The following MTM1 variants were observed in gnomAD, a reference collection of about 807,000 sequenced individuals.
MTM1 encodes myotubularin 1.
Under a neutral mutation model 52.1 loss-of-function variants are expected in MTM1, and 9 were observed. That is an observed-to-expected ratio of 0.17 (90% CI 0.10 to 0.30). The LOEUF is 0.30. MTM1 is among the 10% of genes least tolerant of loss of function. MTM1 has a pLI of 1.00. For synonymous variants in MTM1, 136 were observed against 163.8 expected (o/e 0.83, Z 1.29); for missense variants, 277 against 470.7 (o/e 0.59, Z 3.81).
chrX:150,598,475 G>A, intron 3 of MTM1, 117 bp from the exon 4 acceptor site: 1 of 493,908 alleles, frequency 2.0e-6, no homozygotes, highest in Non-Finnish European at 3.5e-6. Context: ...AGCCTTTTCA[G>A]TAATTTTTAA....
rs1437662251 is a variant in MTM1 at position 150,596,041 on chromosome X, G to A, written c.64-457G>A. 2.7e-5 allele frequency among the ~76,000 whole-genome samples: 3 copies of A among 110,938 alleles called. No individual in the cohort carries two copies. In the East Asian group the frequency reaches 8.4e-4, roughly 31 times the overall value. ...ACGCAATAGGTAATCAATGATTTTCGGGCATTGTAATAGGATTCTGGCTAA... is the reference window on the plus strand; with the variant it reads ...ACGCAATAGGTAATCAATGATTTTCAGGCATTGTAATAGGATTCTGGCTAA... On this transcript the variant is annotated intron_variant, in intron 2 of 14. Coordinates refer to ENST00000370396, the MANE Select transcript of MTM1 (RefSeq NM_000252.3).
chrX:150,636,763 C>T (rs2039759253), intron 6 of MTM1, among the ~76,000 whole-genome samples: 3 of 112,095 alleles, frequency 2.7e-5, no homozygotes, highest in Middle Eastern at 4.6e-3. Context: ...ATTCAACATT[C>T]CTGAATGTTT....
chrX:150,628,385 C>T (rs2039605568), intron 6 of MTM1, among the ~76,000 whole-genome samples: 2 of 111,462 alleles, frequency 1.8e-5, no homozygotes, highest in Admixed American at 1.9e-4. Flanking sequence ...TCTAAGTCCT[C>T]TGCCTCTCAC....
At chrX:150,587,910 G>A (rs922383087) in intron 1 of MTM1, among the ~76,000 whole-genome samples, 1 of 111,534 alleles carries the variant, frequency 9.0e-6, no homozygotes, top group Non-Finnish European at 1.9e-5. Context: ...TTATATTGGA[G>A]TTAGTACAGT....
At chrX:150,620,470 A>G (rs1557413257) in intron 6 of MTM1, among the ~76,000 whole-genome samples, 2 of 111,933 alleles carry the variant, frequency 1.8e-5, no homozygotes, top group Non-Finnish European at 3.8e-5. Context: ...CCATTCCAGT[A>G]TGGAGCTCAT....
At chrX:150,624,775 C>G (rs958107216) in intron 6 of MTM1, among the ~76,000 whole-genome samples, 1 of 111,948 alleles carries the variant, frequency 8.9e-6, no homozygotes, top group Admixed American at 9.5e-5. Context: ...CATTGCTTAC[C>G]GTTAATCGTG....
chrX:150,564,142 A>G (rs919764931), upstream of MTM1, among the ~76,000 whole-genome samples: 3 of 111,138 alleles, frequency 2.7e-5, no homozygotes, highest in Admixed American at 1.9e-4. Flanking sequence ...GCTTTCTATC[A>G]TTATTGTTTT....
At chrX:150,667,787 A>G (rs2040327793) in intron 14 of MTM1, among the ~76,000 whole-genome samples, 1 of 112,248 alleles carries the variant, frequency 8.9e-6, no homozygotes, top group Non-Finnish European at 1.9e-5. Flanking sequence ...TGAAAGCAGC[A>G]ATCGCAGTAG....
chrX:150,620,814 G>A (rs904189048), intron 6 of MTM1, among the ~76,000 whole-genome samples: 3 of 110,918 alleles, frequency 2.7e-5, no homozygotes, highest in African/African-American at 9.8e-5. Context: ...CCTTCCTCTG[G>A]GAGTCTGAGA....
At chrX:150,641,066 T>A (rs1387656708) in intron 7 of MTM1, among the ~76,000 whole-genome samples, 1 of 112,064 alleles carries the variant, frequency 8.9e-6, no homozygotes, top group Non-Finnish European at 1.9e-5. Flanking sequence ...TTTAGAACTG[T>A]AAAAACCACC....
chrX:150,602,534 A>C (rs2039084902), intron 4 of MTM1, among the ~76,000 whole-genome samples: 1 of 112,423 alleles, frequency 8.9e-6, no homozygotes, highest in African/African-American at 3.2e-5. Context: ...GCAAAGGCCT[A>C]GTCACTGTGG....
chrX:150,574,586 A>T (rs868986931), intron 1 of MTM1, among the ~76,000 whole-genome samples: 18 of 112,717 alleles, frequency 1.6e-4, no homozygotes, highest in African/African-American at 5.5e-4. Flanking sequence ...TATTTAACAC[A>T]GCATGTGCGA....
intron 6 of MTM1, among the ~76,000 whole-genome samples, chrX:150,621,326 A>G (rs2039478085): frequency 9.1e-6 from 1 of 109,459 alleles, no homozygotes; most frequent in African/African-American, 3.3e-5. Context: ...TGTAAGTTCT[A>G]CTTAGTAGCA....
intron 1 of MTM1, among the ~76,000 whole-genome samples, chrX:150,583,041 TATA>T (rs2038615705): frequency 1.1e-5 from 1 of 91,061 alleles, no homozygotes; most frequent in African/African-American, 4.0e-5. Context: ...TATATTTAAA[TATA>T]ATTTATATAA....
At chrX:150,624,495 T>C (rs2039534046) in intron 6 of MTM1, among the ~76,000 whole-genome samples, 1 of 111,871 alleles carries the variant, frequency 8.9e-6, no homozygotes, top group African/African-American at 3.3e-5. Flanking sequence ...ATAAGTTCAA[T>C]GGCAAAGTTG....
At chrX:150,660,289 G>A in intron 12 of MTM1, 82 bp from the exon 13 acceptor site, 1 of 598,492 alleles carries the variant, frequency 1.7e-6, no homozygotes, top group Admixed American at 2.6e-5. Context: ...GGCAGCATTT[G>A]TTTACTTCTA....
chrX:150,655,256 C>T (rs1451779831), intron 10 of MTM1, among the ~76,000 whole-genome samples: 2 of 103,606 alleles, frequency 1.9e-5, no homozygotes, highest in East Asian at 3.0e-4. Flanking sequence ...ACCCAGGAGG[C>T]GGAGCTTGTA....
At chrX:150,628,996 G>T (rs1221833334) in intron 6 of MTM1, among the ~76,000 whole-genome samples, 1 of 111,214 alleles carries the variant, frequency 9.0e-6, no homozygotes, top group Non-Finnish European at 1.9e-5. Context: ...TTCGTAGCAT[G>T]TACTAAATCC....
At chrX:150,659,894 G>A in intron 12 of MTM1, 138 bp downstream of exon 12, 1 of 520,243 alleles carries the variant, frequency 1.9e-6, no homozygotes, top group Admixed American at 2.9e-5. Context: ...GTGAATACTT[G>A]CAGAAGCCAG....
Sources: gnomAD v4.1 joint callset for allele counts (sites outside exome capture counted in the v4.1 genomes callset) on GRCh38, gnomAD v4.1.1 for gene constraint, MANE v1.5 for transcripts, NCBI Gene and HGNC (gene_info 2026-07-23, HGNC 2026-07-21) for gene names.